Variants in PITPNC1 observed in about 807,000 individuals in gnomAD.
PITPNC1 encodes the protein phosphatidylinositol transfer protein cytoplasmic 1, also known as cytoplasmic phosphatidylinositol transfer protein 1.
In PITPNC1, 18 loss-of-function variants were observed where a neutral mutation model predicts 44.7. That is an observed-to-expected ratio of 0.40 (90% CI 0.28 to 0.60). The LOEUF is 0.60. Among genes scored for constraint, PITPNC1 ranks in the 20% least tolerant of loss-of-function variants. PITPNC1 has a pLI of 0.39. For synonymous variants in PITPNC1, 141 were observed against 149.6 expected (o/e 0.94, Z 0.42); for missense variants, 290 against 418.4 (o/e 0.69, Z 2.68).
At chr17:67,404,778 G>A (rs189901239) in intron 1 of PITPNC1, among the ~76,000 whole-genome samples, 244 of 152,294 alleles carry the variant, frequency 1.6e-3, no homozygotes, top group Non-Finnish European at 2.9e-3. Flanking sequence ...TATTCTATGG[G>A]GAAGCTGGTT....
intron 1 of PITPNC1, among the ~76,000 whole-genome samples, chr17:67,464,562 C>T (rs1281269496): frequency 1.3e-5 from 2 of 152,110 alleles, no homozygotes; most frequent in Non-Finnish European, 2.9e-5. Flanking sequence ...AACTGTGGAA[C>T]TCACCCCGTA....
At chr17:67,596,162 CATATT>C (rs1053541742) in intron 5 of PITPNC1, among the ~76,000 whole-genome samples, 2 of 152,108 alleles carry the variant, frequency 1.3e-5, no homozygotes, top group Admixed American at 1.3e-4. Flanking sequence ...AAATATGAAA[CATATT>C]AAGGAACGTC....
chr17:67,528,006 A>C (rs1037556139), intron 1 of PITPNC1, among the ~76,000 whole-genome samples: 9 of 151,998 alleles, frequency 5.9e-5, no homozygotes, highest in Non-Finnish European at 1.2e-4. Flanking sequence ...GCTGCTTTTA[A>C]TTTTTTAAAT....
intron 1 of PITPNC1, among the ~76,000 whole-genome samples, chr17:67,387,956 A>G: frequency 6.6e-6 from 1 of 152,190 alleles, no homozygotes. Context: ...GCAGTGCTCA[A>G]GGACCATGTG....
rs9904450 is a variant in PITPNC1, at chr17:67,597,717, C to G, written c.366+19460C>G. On this transcript the variant is annotated intron_variant, in intron 5 of 8. Coordinates refer to ENST00000581322, the MANE Select transcript of PITPNC1 (RefSeq NM_012417.4). This position sits in a 1 kb window ranked among gnomAD's most constrained non-coding sequence, Gnocchi z 4.0. ...AAGAAACATTTGTTAAACATCTATT[C>G]GGCACCAGGGGTTGTTAGGCTGGTG... is the stretch of plus-strand genomic sequence containing the variant. 1.3e-5 allele frequency among the ~76,000 whole-genome samples: 2 copies of G among 152,116 alleles called. No individual in the cohort carries two copies. The highest frequency in any genetic ancestry group is 1.5e-5 in the Non-Finnish European group (1 of 68,030).
At chr17:67,380,365 G>A (rs567526807) in intron 1 of PITPNC1, among the ~76,000 whole-genome samples, 111 of 152,282 alleles carry the variant, frequency 7.3e-4, no homozygotes, top group African/African-American at 2.5e-3. Flanking sequence ...ATGAGCCACT[G>A]CGCCCAGCCA....
chr17:67,461,452 G>A (rs1024484126), intron 1 of PITPNC1, among the ~76,000 whole-genome samples: 20 of 152,292 alleles, frequency 1.3e-4, no homozygotes, highest in African/African-American at 3.8e-4. Context: ...AGTCTCCTTC[G>A]CTTAAGGGGA....
chr17:67,505,589 T>C (rs1210654490), intron 1 of PITPNC1, among the ~76,000 whole-genome samples: 2 of 152,234 alleles, frequency 1.3e-5, no homozygotes, highest in Non-Finnish European at 2.9e-5. Context: ...GTCCTTTAAT[T>C]CCAGTCTATT....
intron 5 of PITPNC1, among the ~76,000 whole-genome samples, chr17:67,617,009 G>C (rs1182809005): frequency 6.6e-6 from 1 of 152,144 alleles, no homozygotes; most frequent in African/African-American, 2.4e-5. Flanking sequence ...ACCATCGGCC[G>C]GTCTGAACGC....
At chr17:67,543,452 A>G (rs1352605637) in intron 2 of PITPNC1, among the ~76,000 whole-genome samples, 1 of 152,182 alleles carries the variant, frequency 6.6e-6, no homozygotes, top group Non-Finnish European at 1.5e-5. Flanking sequence ...TAGGGCTCCA[A>G]TTTCTCCACA....
intron 1 of PITPNC1, among the ~76,000 whole-genome samples, chr17:67,485,411 C>T (rs1378083960): frequency 2.1e-5 from 3 of 145,484 alleles, no homozygotes; most frequent in African/African-American, 5.1e-5. Context: ...ACTGCTCTGT[C>T]GCCCAGGCAG....
rs1294099266 is a variant in PITPNC1 at position 67,473,407 on chromosome 17, CA to C, written c.49-59393del. Among the ~76,000 whole-genome samples, 3 of 151,920 alleles carry C rather than the reference CA, an allele frequency of 2.0e-5. No individual in the cohort carries two copies. The East Asian group carries it at 5.9e-4, about 30-fold the overall frequency. On this transcript the variant is annotated intron_variant, in intron 1 of 8. Coordinates refer to ENST00000581322, the MANE Select transcript of PITPNC1 (RefSeq NM_012417.4). ...TCAGTGGCACAATCTCGGCTCACTG[CA>C]AGCTCCACCTCCTGGGTTCACGCCA...
At chr17:67,616,203 C>T (rs1276905292) in intron 5 of PITPNC1, among the ~76,000 whole-genome samples, 3 of 152,250 alleles carry the variant, frequency 2.0e-5, no homozygotes, top group Admixed American at 6.5e-5. Context: ...TGCAATGGCA[C>T]GATCTCAGCT....
chr17:67,647,478 T>G (rs866606638), intron 6 of PITPNC1, among the ~76,000 whole-genome samples: 5,781 of 128,160 alleles, frequency 0.045, 180 homozygotes, highest in Middle Eastern at 0.081. Flanking sequence ...TTTTTTTTTT[T>G]TTTTTTTTTT....
In PITPNC1 at chr17:67,524,045, C is replaced by T. The variant is rs147117458; in HGVS notation, c.49-8757C>T. Among the ~76,000 whole-genome samples, 59 of 152,064 alleles carry T rather than the reference C, an allele frequency of 3.9e-4. No homozygotes were observed. In the East Asian group the frequency reaches 8.3e-3, roughly 21 times the overall value. On this transcript the variant is annotated intron_variant, in intron 1 of 8. Transcript: ENST00000581322. Reference sequence around the variant, plus strand: ...CAGGCTAGTCTTGAACTCCTGACCTCGTGATCCACCCTCCTCGGCCTCCCA... The same window carrying T: ...CAGGCTAGTCTTGAACTCCTGACCTTGTGATCCACCCTCCTCGGCCTCCCA...
At chr17:67,394,614 AC>A (rs1426544431) in intron 1 of PITPNC1, among the ~76,000 whole-genome samples, 3 of 152,140 alleles carry the variant, frequency 2.0e-5, no homozygotes, top group Non-Finnish European at 2.9e-5. Context: ...AAAATGTTAC[AC>A]AGTTAAGGCC....
At chr17:67,632,416 ACCATC>A in intron 6 of PITPNC1, 178 bp downstream of exon 6, 3 of 597,842 alleles carry the variant, frequency 5.0e-6, no homozygotes, top group Non-Finnish European at 8.9e-6. Flanking sequence ...CTCTTCAGGG[ACCATC>A]ATTGGCCCTG....
At chr17:67,552,414 G>C in intron 3 of PITPNC1, 69 bp downstream of exon 3, 6 of 865,026 alleles carry the variant, frequency 6.9e-6, no homozygotes, top group Non-Finnish European at 1.2e-5. Flanking sequence ...GAATTTCACT[G>C]ATTTACAGTG....
chr17:67,596,710 T>C (rs2041465178), intron 5 of PITPNC1, among the ~76,000 whole-genome samples: 1 of 152,050 alleles, frequency 6.6e-6, no homozygotes, highest in Admixed American at 6.6e-5. Flanking sequence ...TTTGCTCATG[T>C]TGTTCCTAAC....
Sources: allele counts gnomAD v4.1 joint callset (sites outside exome capture counted in the v4.1 genomes callset), GRCh38; gene constraint gnomAD v4.1.1; non-coding constraint Gnocchi (gnomAD v3.1); transcripts MANE v1.5; gene names NCBI Gene and HGNC (gene_info 2026-07-23, HGNC 2026-07-21).